The following GPC6 variants were observed in gnomAD, a reference collection of about 807,000 sequenced individuals.
The protein encoded by GPC6 is glypican 6, also known as glypican-6.
Under a neutral mutation model 55.2 loss-of-function variants are expected in GPC6, and 14 were observed. The ratio of observed to expected loss-of-function variants is 0.25; its 90% CI spans 0.17 to 0.40. The LOEUF (loss-of-function observed/expected upper bound fraction) is 0.40. Ranked by LOEUF, GPC6 falls within the 10% of genes least tolerant of loss-of-function variation. GPC6 has a pLI of 1.00. For synonymous variants in GPC6, 278 were observed against 259.6 expected, an observed-to-expected ratio of 1.07 and a Z score of -0.68; for missense variants, 641 against 708.5, an observed-to-expected ratio of 0.90 and a Z score of 1.08.
rs546623618 is a variant in GPC6, at chr13:94,070,028, G to A, written c.877+42134G>A. On this transcript the variant is annotated intron_variant, in intron 4 of 8. Coordinates refer to ENST00000377047, the MANE Select transcript of GPC6 (RefSeq NM_005708.5). Reference sequence around the variant, plus strand: ...AATTTACTGTATTACTTTGTTTTCAGGCTGCTAGTGAAGACATATCCGAGA... The same window carrying A: ...AATTTACTGTATTACTTTGTTTTCAAGCTGCTAGTGAAGACATATCCGAGA... Among the ~76,000 whole-genome samples, 15 of 152,230 alleles carry A rather than the reference G, an allele frequency of 9.9e-5. 1 individual carries two copies. Among genetic ancestry groups the A allele is most frequent in the African/African-American group, 3.6e-4 (15 of 41,542 alleles).
At position 93,465,822 on chromosome 13, in the gene GPC6, A is replaced by C. The variant is rs1346119628; in HGVS notation, c.161-79441A>C. The stretch of plus-strand genomic sequence containing the variant: ...CAGCTTTCAATGTGCCTTAATCGCT[A>C]AGCTTAATAACTTTTAGCTTTTTCT... On this transcript the variant is annotated intron_variant, in intron 1 of 8. Coordinates refer to ENST00000377047, the MANE Select transcript of GPC6 (RefSeq NM_005708.5). Among the ~76,000 whole-genome samples, 4 of 152,162 alleles carry C rather than the reference A, an allele frequency of 2.6e-5. 1 individual carries two copies. In the Middle Eastern group the frequency reaches 9.6e-3, roughly 363 times the overall value.
chr13:93,341,587 G>T (rs956093039), intron 1 of GPC6, among the ~76,000 whole-genome samples: 1 of 151,890 alleles, frequency 6.6e-6, no homozygotes, highest in Non-Finnish European at 1.5e-5. Context: ...ACTTTTTGAT[G>T]GAGTTATTTG....
intron 3 of GPC6, among the ~76,000 whole-genome samples, chr13:93,906,298 C>G (rs987639663): frequency 6.6e-6 from 1 of 152,148 alleles, no homozygotes; most frequent in Admixed American, 6.5e-5. Flanking sequence ...GAGACCAGCC[C>G]TCACTGTAAT....
At chr13:93,267,097 G>C (rs998739453) in intron 1 of GPC6, among the ~76,000 whole-genome samples, 1 of 152,156 alleles carries the variant, frequency 6.6e-6, no homozygotes, top group Non-Finnish European at 1.5e-5. Flanking sequence ...GCAAAAGCCA[G>C]CTGTGCTGGT....
intron 2 of GPC6, among the ~76,000 whole-genome samples, chr13:93,623,295 T>A (rs1206496561): frequency 3.9e-5 from 6 of 152,246 alleles, no homozygotes; most frequent in Non-Finnish European, 8.8e-5. Context: ...TGCCCAGTAG[T>A]GAGACTGCTA....
At position 93,613,530 on chromosome 13, in the gene GPC6, A is replaced by AAAC. The variant is rs1878582772; in HGVS notation, c.319+68110_319+68111insACA. 1.5e-3 allele frequency among the ~76,000 whole-genome samples: 208 copies of AAAC among 139,994 alleles called. 1 individual carries two copies. The highest frequency in any genetic ancestry group is 5.4e-3 in the African/African-American group (184 of 34,008). The allele number at this position is 139,994 out of a possible 152,430, so 91.8% of individuals were successfully genotyped here. On this transcript the variant is annotated intron_variant, in intron 2 of 8. Coordinates refer to ENST00000377047, the MANE Select transcript of GPC6 (RefSeq NM_005708.5). ...AGCAAACACACACACACACACACAAAACACACACACACACACACACACACA... is the reference window on the plus strand; with the variant it reads ...AGCAAACACACACACACACACACAAAAACACACACACACACACACACACACACA...
At chr13:93,591,124 A>T (rs1321524920) in intron 2 of GPC6, among the ~76,000 whole-genome samples, 3 of 150,998 alleles carry the variant, frequency 2.0e-5, no homozygotes, top group African/African-American at 7.4e-5. Flanking sequence ...AGTCATCTGA[A>T]AATAAATATG....
At chr13:93,952,869 TATATACATATATATATGTGTG>T (rs1879325446) in intron 3 of GPC6, among the ~76,000 whole-genome samples, 1 of 109,172 alleles carries the variant, frequency 9.2e-6, no homozygotes, top group Non-Finnish European at 2.1e-5. Context: ...TATATGTATA[TATATACATATATATATGTGTG>T]ATATATACGT....
At chr13:93,447,222 G>T (rs1878040729) in intron 1 of GPC6, among the ~76,000 whole-genome samples, 1 of 152,140 alleles carries the variant, frequency 6.6e-6, no homozygotes, top group Non-Finnish European at 1.5e-5. Flanking sequence ...ATAAAGTTGA[G>T]AATTTGTTGC....
At chr13:93,304,787 T>A (rs1409185650) in intron 1 of GPC6, among the ~76,000 whole-genome samples, 6 of 152,050 alleles carry the variant, frequency 3.9e-5, no homozygotes, top group African/African-American at 1.2e-4. Flanking sequence ...AGGATCTTGA[T>A]TAGATATTTA....
chr13:93,265,893 A>G, intron 1 of GPC6, among the ~76,000 whole-genome samples: 1 of 151,238 alleles, frequency 6.6e-6, no homozygotes, highest in Non-Finnish European at 1.5e-5. Flanking sequence ...GAGCCACCGC[A>G]GCTCTCAATT....
chr13:93,445,180 C>A (rs911603965), intron 1 of GPC6, among the ~76,000 whole-genome samples: 3 of 152,128 alleles, frequency 2.0e-5, no homozygotes, highest in Non-Finnish European at 1.5e-5. Context: ...ACTGTACCAA[C>A]GTCTGGAGTA....
chr13:94,335,195 A>C (rs772151614), intron 6 of GPC6, among the ~76,000 whole-genome samples: 3 of 152,226 alleles, frequency 2.0e-5, no homozygotes, highest in Non-Finnish European at 4.4e-5. Flanking sequence ...AAGGGAAGAA[A>C]ACAGGATCAG....
chr13:94,058,875 T>A (rs1884224369), intron 4 of GPC6, among the ~76,000 whole-genome samples: 1 of 152,206 alleles, frequency 6.6e-6, no homozygotes, highest in Non-Finnish European at 1.5e-5. Flanking sequence ...TTAGAATAAA[T>A]GTAGACAAGT....
intron 4 of GPC6, among the ~76,000 whole-genome samples, chr13:94,037,434 T>C (rs934912737): frequency 6.6e-6 from 1 of 151,856 alleles, no homozygotes; most frequent in Non-Finnish European, 1.5e-5. Context: ...TAAGCAAGAG[T>C]TATAAGAAAT....
intron 1 of GPC6, among the ~76,000 whole-genome samples, chr13:93,284,832 A>G (rs570751268): frequency 1.3e-5 from 2 of 152,284 alleles, no homozygotes; most frequent in South Asian, 2.1e-4. Context: ...ACTAGTAGAT[A>G]TTTCAATCTT....
intron 3 of GPC6, among the ~76,000 whole-genome samples, chr13:93,994,689 T>C (rs111590157): frequency 0.035 from 5,361 of 152,266 alleles, 325 homozygotes; most frequent in African/African-American, 0.12. Context: ...GTGTTCTCTA[T>C]TGCTTGTCTT....
chr13:93,818,165 ATAG>A (rs1439094108), intron 2 of GPC6, among the ~76,000 whole-genome samples: 1 of 149,736 alleles, frequency 6.7e-6, no homozygotes, highest in Non-Finnish European at 1.5e-5. Flanking sequence ...AAGGTAGGAT[ATAG>A]TAGAATATAC....
chr13:94,248,639 A>G (rs1349747212), intron 4 of GPC6, among the ~76,000 whole-genome samples: 2 of 152,000 alleles, frequency 1.3e-5, no homozygotes, highest in Non-Finnish European at 2.9e-5. Flanking sequence ...AAAAATTTCC[A>G]TACAACTGCT....
Sources: allele counts gnomAD v4.1 joint callset (sites outside exome capture counted in the v4.1 genomes callset), GRCh38; gene constraint gnomAD v4.1.1; transcripts MANE v1.5; gene names NCBI Gene and HGNC (gene_info 2026-07-23, HGNC 2026-07-21).